Variants in ZNF131 observed in about 807,000 individuals in gnomAD.
ZNF131 encodes the protein zinc finger and BTB domain containing 35.
ZNF131 carries 7 observed loss-of-function variants against 60.0 expected under a neutral mutation model. The observed-to-expected ratio is 0.12, with a 90% CI of 0.07 to 0.22. ZNF131 has a LOEUF of 0.22. Ranked by LOEUF, ZNF131 falls within the 10% of genes least tolerant of loss-of-function variation. The probability of loss-of-function intolerance (pLI) is 1.00; values close to 1 mark genes in which losing one functional copy is unlikely to be tolerated. For synonymous variants in ZNF131, 257 were observed against 253.2 expected (o/e 1.01, Z -0.14); for missense variants, 493 against 740.9 (o/e 0.67, Z 3.88).
At chr5:43,141,585 A>G (rs770162042) in intron 4 of ZNF131, among the ~76,000 whole-genome samples, 6 of 152,026 alleles carry the variant, frequency 3.9e-5, no homozygotes, top group Non-Finnish European at 8.8e-5. Flanking sequence ...CCTGGGCACC[A>G]TGGTGAAACG....
At chr5:43,141,738 C>T (rs1746848788) in intron 4 of ZNF131, among the ~76,000 whole-genome samples, 1 of 151,010 alleles carries the variant, frequency 6.6e-6, no homozygotes, top group South Asian at 2.1e-4. Flanking sequence ...CCACTGCACT[C>T]CAGCCTGGGT....
intron 3 of ZNF131, among the ~76,000 whole-genome samples, chr5:43,129,199 G>A (rs186244482): frequency 2.6e-5 from 4 of 152,250 alleles, no homozygotes; most frequent in Admixed American, 2.0e-4. Flanking sequence ...GCCTCCCAAA[G>A]TGCTGGTATT....
chr5:43,152,454 A>G (rs1561423915), intron 4 of ZNF131, among the ~76,000 whole-genome samples: 1 of 152,100 alleles, frequency 6.6e-6, no homozygotes, highest in South Asian at 2.1e-4. Context: ...TTTTTAGAAG[A>G]TATGTTGGTA....
intron 4 of ZNF131, among the ~76,000 whole-genome samples, chr5:43,150,517 C>CG (rs1413975491): frequency 6.6e-6 from 1 of 151,762 alleles, no homozygotes; most frequent in Non-Finnish European, 1.5e-5. Flanking sequence ...TGGCTGGGTG[C>CG]GGTGGCTCAT....
chr5:43,140,206 A>G (rs1445725138), intron 4 of ZNF131, among the ~76,000 whole-genome samples: 2 of 152,168 alleles, frequency 1.3e-5, no homozygotes, highest in Non-Finnish European at 2.9e-5. Flanking sequence ...GCTAGGGGGA[A>G]CAAAGTGAGA....
At chr5:43,159,461 A>T (rs1236964778) in intron 4 of ZNF131, among the ~76,000 whole-genome samples, 2 of 152,052 alleles carry the variant, frequency 1.3e-5, no homozygotes, top group Non-Finnish European at 2.9e-5. Context: ...TGGGAGGCCG[A>T]GGTGGGCAGA....
chr5:43,161,765 A>G lies in ZNF131; in HGVS notation c.888A>G (p.Arg296=), dbSNP rs1749722249. ...ESFKCEICNK[R]YLRESAWKQH... ...TCAAGTGTGAAATATGCAATAAACG[A>G]TATCTTCGAGAGAGCGCATGGAAAC... is the stretch of plus-strand genomic sequence containing the variant. Residue 296 remains arginine, a synonymous_variant, in exon 5 of 7, where the codon CGA becomes CGG. Transcript: ENST00000682664. 2.5e-6 allele frequency: 4 copies of G among 1,614,252 alleles called. No individual in the cohort carries two copies. Among genetic ancestry groups the G allele is most frequent in the Non-Finnish European group, 3.4e-6 (4 of 1,180,042 alleles).
chr5:43,133,861 C>CT, intron 3 of ZNF131, among the ~76,000 whole-genome samples: 1 of 152,170 alleles, frequency 6.6e-6, no homozygotes, highest in Non-Finnish European at 1.5e-5. Flanking sequence ...AACAGATGTA[C>CT]AACTGCTGTA....
chr5:43,170,980 T>C (rs1391149072), intron 5 of ZNF131, among the ~76,000 whole-genome samples: 1 of 141,328 alleles, frequency 7.1e-6, no homozygotes, highest in Non-Finnish European at 1.5e-5. Context: ...AGTCTCGCTC[T>C]GTCGCCCAGG....
At chr5:43,168,723 T>C (rs1750639490) in intron 5 of ZNF131, among the ~76,000 whole-genome samples, 2 of 152,160 alleles carry the variant, frequency 1.3e-5, no homozygotes. Flanking sequence ...GGTTGAAACC[T>C]GCTAGCTCAG....
At chr5:43,171,254 C>G (rs893127412) in intron 5 of ZNF131, among the ~76,000 whole-genome samples, 1 of 152,060 alleles carries the variant, frequency 6.6e-6, no homozygotes, top group Non-Finnish European at 1.5e-5. Flanking sequence ...GGTCTGTCCC[C>G]TCTTCTTTTA....
At chr5:43,134,367 A>G (rs932999183) in intron 3 of ZNF131, among the ~76,000 whole-genome samples, 1 of 152,208 alleles carries the variant, frequency 6.6e-6, no homozygotes, top group African/African-American at 2.4e-5. Context: ...AATAGAAGGA[A>G]ATTATCTCAA....
chr5:43,154,748 C>G (rs1228009171), intron 4 of ZNF131, among the ~76,000 whole-genome samples: 1 of 152,166 alleles, frequency 6.6e-6, no homozygotes. Flanking sequence ...CATCTTGATT[C>G]CAGTTGGTCT....
chr5:43,171,183 C>T (rs975744030), intron 5 of ZNF131, among the ~76,000 whole-genome samples: 1 of 151,094 alleles, frequency 6.6e-6, no homozygotes, highest in African/African-American at 2.4e-5. Context: ...CCTGACCTCA[C>T]GTGATCCACC....
At chr5:43,143,777 T>C (rs1258471266) in intron 4 of ZNF131, among the ~76,000 whole-genome samples, 1 of 152,096 alleles carries the variant, frequency 6.6e-6, no homozygotes, top group Non-Finnish European at 1.5e-5. Context: ...TAGCCTTTAC[T>C]TCCTGTGTTA....
chr5:43,161,640 T>A lies in ZNF131; in HGVS notation c.763T>A (p.Ser255Thr), dbSNP rs765297745. 6.2e-7 allele frequency: 1 copy of A among 1,614,248 alleles called. No individual in the cohort carries two copies. Among genetic ancestry groups the A allele is most frequent in the Non-Finnish European group, 8.5e-7 (1 of 1,180,026 alleles). The change falls in exon 5 of 7, where the codon TCA becomes ACA. Residue 255 changes from serine (S) to threonine (T), a missense_variant. Around this residue, in one of 7 missense-constraint regions of ZNF131, gnomAD observed 138 missense variants for 158.7 expected, o/e 0.87. Coordinates refer to ENST00000682664, the MANE Select transcript of ZNF131 (RefSeq NM_001330707.2). ...EGIEIVELQL[S>T]HVKDLFHCEK... is the part of the protein sequence containing the mutation. ...TATTGAAATTGTGGAACTTCAGCTG[T>A]CACATGTGAAGGACTTGTTCCATTG...
chr5:43,144,277 G>A (rs1270372911), intron 4 of ZNF131, among the ~76,000 whole-genome samples: 1 of 86,740 alleles, frequency 1.2e-5, no homozygotes, highest in Non-Finnish European at 2.1e-5. Context: ...TGGAGACAGA[G>A]CTTTGTGTTG....
At chr5:43,152,492 A>G (rs1748450195) in intron 4 of ZNF131, among the ~76,000 whole-genome samples, 3 of 152,184 alleles carry the variant, frequency 2.0e-5, no homozygotes, top group Admixed American at 2.0e-4. Flanking sequence ...TTGGCAGGGA[A>G]TGGCAAACAC....
At chr5:43,145,120 C>T in intron 4 of ZNF131, among the ~76,000 whole-genome samples, 1 of 152,018 alleles carries the variant, frequency 6.6e-6, no homozygotes, top group East Asian at 1.9e-4. Context: ...GTTTGAAAAA[C>T]TACCTCGAAA....
Sources: gnomAD v4.1 joint callset for allele counts (sites outside exome capture counted in the v4.1 genomes callset) on GRCh38, gnomAD v4.1.1 for gene constraint, gnomAD v4.1.1 regional missense constraint, MANE v1.5 for transcripts, NCBI Gene and HGNC (gene_info 2026-07-23, HGNC 2026-07-21) for gene names.